The following STYXL1 variants were observed in gnomAD, a reference collection of about 807,000 sequenced individuals.
The protein encoded by STYXL1 is serine/threonine/tyrosine interacting like 1, also known as serine/threonine/tyrosine-interacting-like protein 1.
STYXL1 carries 32 observed loss-of-function variants against 36.4 expected under a neutral mutation model. The ratio of observed to expected loss-of-function variants is 0.88; its 90% CI spans 0.66 to 1.18. The LOEUF (loss-of-function observed/expected upper bound fraction) is 1.18, where lower values mean the gene tolerates loss of function less well. Among genes scored for constraint, STYXL1 ranks in the 50% most tolerant of loss-of-function variants. STYXL1 has a pLI of 0.00. For synonymous variants in STYXL1, 133 were observed against 144.1 expected (o/e 0.92, Z 0.55); for missense variants, 354 against 394.1 (o/e 0.90, Z 0.86).
In STYXL1 at chr7:76,013,729, C is replaced by A; in HGVS notation, c.453+13G>T. ...CCCGTCTGGGCCTGCCTGTGCTCAGCATTTGGCCCTACCTGAGGCATCCAG... is the reference window on the plus strand; with the variant it reads ...CCCGTCTGGGCCTGCCTGTGCTCAGAATTTGGCCCTACCTGAGGCATCCAG... On this transcript the variant is annotated intron_variant, in intron 5 of 8. Transcript: ENST00000359697. 1.9e-6 allele frequency: 3 copies of A among 1,613,874 alleles called. No individual in the cohort carries two copies. The South Asian group carries it at 3.3e-5, about 18-fold the overall frequency.
At chr7:76,003,021 G>A (rs1791181483) in intron 7 of STYXL1, among the ~76,000 whole-genome samples, 1 of 152,208 alleles carries the variant, frequency 6.6e-6, no homozygotes, top group Non-Finnish European at 1.5e-5. Flanking sequence ...TGCCAGACAG[G>A]CAGGCATGGG....
intron 1 of STYXL1, among the ~76,000 whole-genome samples, chr7:76,040,823 T>TAAAAAAA (rs35135560): frequency 8.4e-6 from 1 of 119,696 alleles, no homozygotes; most frequent in Non-Finnish European, 1.9e-5. Flanking sequence ...GCAACACAGC[T>TAAAAAAA]AAAAAAAAAA....
At chr7:76,003,993 CCTCTCCTGG>C in intron 6 of STYXL1, 138 bp from the exon 7 acceptor site, 1 of 693,838 alleles carries the variant, frequency 1.4e-6, no homozygotes, top group South Asian at 1.8e-5. Context: ...GGTAACTCAA[CCTCTCCTGG>C]AAAAAAACAT....
chr7:76,031,331 C>CAAAAAAAAAA (rs60550486), intron 1 of STYXL1, among the ~76,000 whole-genome samples: 3 of 42,296 alleles, frequency 7.1e-5, no homozygotes, highest in African/African-American at 2.4e-4. Flanking sequence ...ACTCTGTCTC[C>CAAAAAAAAAA]AAAAAAAAAA....
At chr7:76,036,649 A>ATT (rs35777449) in intron 1 of STYXL1, among the ~76,000 whole-genome samples, 39,415 of 136,174 alleles carry the variant, frequency 0.29, 8,213 homozygotes, top group Non-Finnish European at 0.4. Context: ...TTCCATGTGA[A>ATT]TTTTTTTTTT....
intron 5 of STYXL1, among the ~76,000 whole-genome samples, chr7:76,013,173 A>C (rs1792788269): frequency 6.6e-6 from 1 of 151,984 alleles, no homozygotes; most frequent in South Asian, 2.1e-4. Context: ...AAAAATACAA[A>C]AAATTAGCCG....
chr7:76,028,876 G>A (rs1585297425), intron 2 of STYXL1, among the ~76,000 whole-genome samples, 173 bp from the exon 3 acceptor site: 1 of 152,190 alleles, frequency 6.6e-6, no homozygotes, highest in Middle Eastern at 3.4e-3. Flanking sequence ...TGTAACCCCA[G>A]CACTTTGGAA....
chr7:76,022,007 CA>C lies in STYXL1; in HGVS notation c.166-16del. ...TCATTATTTTTCTTAAAAAAAAAAACACACACACACAAGAGAGGCCTGTTGG... is the reference window on the plus strand; with the variant it reads ...TCATTATTTTTCTTAAAAAAAAAAACCACACACACAAGAGAGGCCTGTTGG... On this transcript the variant is annotated splice_polypyrimidine_tract_variant and intron_variant, in intron 3 of 8. Coordinates refer to ENST00000359697, the MANE Select transcript of STYXL1 (RefSeq NM_001317785.2). The C allele has an allele frequency of 1.3e-6, 2 of 1,520,742 alleles. No homozygotes were observed. 94.2% of individuals were successfully genotyped at this position (1,520,742 alleles called of 1,614,324 possible).
chr7:76,019,445 C>T (rs1793786615), intron 4 of STYXL1, among the ~76,000 whole-genome samples: 1 of 151,658 alleles, frequency 6.6e-6, no homozygotes, highest in Admixed American at 6.6e-5. Context: ...TACAGGCATG[C>T]ACCACCATGC....
intron 2 of STYXL1, 96 bp from the exon 3 acceptor site, chr7:76,028,799 G>A (rs891212153): frequency 4.6e-6 from 5 of 1,089,026 alleles, no homozygotes; most frequent in African/African-American, 3.1e-5. Flanking sequence ...TATTTGTTTG[G>A]CAGTTAAGGG....
chr7:76,034,474 A>G (rs1795724248), intron 1 of STYXL1, among the ~76,000 whole-genome samples: 1 of 151,834 alleles, frequency 6.6e-6, no homozygotes, highest in Non-Finnish European at 1.5e-5. Context: ...TCTTCCCCAG[A>G]CACTCTCCCC....
intron 8 of STYXL1, among the ~76,000 whole-genome samples, chr7:75,999,491 T>TTGTGTATGTGTGTGTGTG (rs150572317): frequency 9.9e-5 from 11 of 111,276 alleles, no homozygotes; most frequent in South Asian, 2.8e-4. Flanking sequence ...AATTTTTTTG[T>TTGTGTATGTGTGTGTGTG]TGTGTGTGTG....
chr7:76,003,753 C>G lies in STYXL1; in HGVS notation c.697+5G>C, dbSNP rs1791283632. 1 of 1,613,974 alleles carries G rather than the reference C, an allele frequency of 6.2e-7. No homozygotes were observed. The highest frequency in any genetic ancestry group is 1.3e-5 in the African/African-American group (1 of 74,930). On this transcript the variant is annotated splice_donor_5th_base_variant and intron_variant, in intron 7 of 8. Coordinates refer to ENST00000359697, the MANE Select transcript of STYXL1 (RefSeq NM_001317785.2). ...GTTGCTACCCGGCCAAGGAACGCTCCTTACCAATGAAGTGACACATGTGGC... is the reference window on the plus strand; with the variant it reads ...GTTGCTACCCGGCCAAGGAACGCTCGTTACCAATGAAGTGACACATGTGGC...
chr7:76,007,475 C>T (rs1791932970), intron 5 of STYXL1, among the ~76,000 whole-genome samples: 1 of 152,122 alleles, frequency 6.6e-6, no homozygotes, highest in Non-Finnish European at 1.5e-5. Context: ...GCAAATACTA[C>T]ACCATCTTGT....
chr7:76,007,794 G>A (rs995221555), intron 5 of STYXL1, among the ~76,000 whole-genome samples: 2 of 151,630 alleles, frequency 1.3e-5, no homozygotes, highest in Admixed American at 6.6e-5. Context: ...GGTGGCACAT[G>A]GCTGTACTCC....
intron 5 of STYXL1, among the ~76,000 whole-genome samples, chr7:76,011,219 C>T (rs1056446841): frequency 6.6e-6 from 1 of 152,110 alleles, no homozygotes; most frequent in East Asian, 1.9e-4. Flanking sequence ...GTCTCTAAAA[C>T]GTATATATCG....
chr7:76,007,102 T>C (rs1002352594), intron 5 of STYXL1, among the ~76,000 whole-genome samples: 2 of 152,294 alleles, frequency 1.3e-5, no homozygotes, highest in South Asian at 2.1e-4. Context: ...TTGTATTAGG[T>C]ATTATAAATA....
At chr7:76,011,842 T>C (rs1792593085) in intron 5 of STYXL1, among the ~76,000 whole-genome samples, 1 of 152,208 alleles carries the variant, frequency 6.6e-6, no homozygotes, top group Non-Finnish European at 1.5e-5. Context: ...GGGCGTCCCT[T>C]GACACAGTCC....
intron 5 of STYXL1, among the ~76,000 whole-genome samples, chr7:76,007,887 CCTGT>C (rs1341276627): frequency 1.4e-5 from 2 of 145,622 alleles, no homozygotes; most frequent in Non-Finnish European, 3.0e-5. Context: ...TGCACTCCAG[CCTGT>C]CTCTCAAAAA....
Sources: allele counts gnomAD v4.1 joint callset (sites outside exome capture counted in the v4.1 genomes callset), GRCh38; gene constraint gnomAD v4.1.1; transcripts MANE v1.5; gene names NCBI Gene and HGNC (gene_info 2026-07-23, HGNC 2026-07-21).